Variants in COCH observed in about 807,000 individuals in gnomAD.
COCH encodes the protein coagulation factor C homolog, cochlin (Limulus polyphemus).
Under a neutral mutation model 54.8 loss-of-function variants are expected in COCH, and 40 were observed. The observed-to-expected ratio is 0.73, with a 90% CI of 0.57 to 0.95. The LOEUF is 0.95. Ranked by LOEUF, COCH falls within the 40% of genes least tolerant of loss-of-function variation. The probability of loss-of-function intolerance (pLI) is 0.00; values close to 1 mark genes in which losing one functional copy is unlikely to be tolerated. For missense variants in COCH, 605 were observed against 675.0 expected (o/e 0.90, Z 1.15); for synonymous variants, 256 against 237.9 (o/e 1.08, Z -0.70).
intron 3 of COCH, chr14:30,875,455 C>T (rs1477714607): frequency 3.4e-6 from 2 of 583,028 alleles, no homozygotes; most frequent in Admixed American, 6.1e-5. Flanking sequence ...CCGAGGAGCG[C>T]ACCAGTCCTG....
At chr14:30,882,119 G>GGTTTTTT (rs1480235271) in intron 8 of COCH, among the ~76,000 whole-genome samples, 12 of 84,902 alleles carry the variant, frequency 1.4e-4, no homozygotes, top group African/African-American at 7.2e-4. Context: ...ACTATAAAAT[G>GGTTTTTT]GTTTTTTTTT....
At chr14:30,885,274 C>T (rs1012733769) in intron 9 of COCH, 120 bp from the exon 10 acceptor site, 13 of 984,690 alleles carry the variant, frequency 1.3e-5, no homozygotes, top group East Asian at 2.6e-5. Context: ...TTGTGTGCCC[C>T]GCCCCACTGC....
In COCH at chr14:30,885,855, A is replaced by G; in HGVS notation, c.1020A>G (p.Thr340=). 1 of 1,614,144 alleles carries G rather than the reference A, an allele frequency of 6.2e-7. No homozygotes were observed. The highest frequency in any genetic ancestry group is 8.5e-7 in the Non-Finnish European group (1 of 1,179,988). ...SYHMPNWFGT[T]KYVKPLVQKL... is the part of the protein sequence containing the mutation. ...ACATGCCCAACTGGTTTGGCACCAC[A>G]AAATACGTAAAGCCTCTGGTACAGA... Residue 340 remains threonine, a synonymous_variant, in exon 11 of 12, where the codon ACA becomes ACG. Transcript: ENST00000396618.
chr14:30,877,765 G>A lies in COCH; in HGVS notation c.239+37G>A, dbSNP rs199980125. 1.5e-4 allele frequency: 239 copies of A among 1,613,536 alleles called. 1 individual carries two copies. The South Asian group carries it at 1.5e-3, about 10-fold the overall frequency. On this transcript the variant is annotated intron_variant, in intron 4 of 11. Coordinates refer to ENST00000396618, the MANE Select transcript of COCH (RefSeq NM_004086.3). This position sits in a 1 kb window ranked among gnomAD's most constrained non-coding sequence, Gnocchi z 8.6. ...CACACCAGGGTGGGAGAGAAATGCA[G>A]ACGTGATTATTTCCTTTCCTGCTTT...
intron 8 of COCH, among the ~76,000 whole-genome samples, chr14:30,882,967 G>A (rs998093436): frequency 1.3e-5 from 2 of 152,302 alleles, no homozygotes; most frequent in African/African-American, 4.8e-5. Flanking sequence ...GTGTAAGGTT[G>A]TATAAACAGT....
Position 30,885,598 on chromosome 14 carries a change from A to G in COCH, c.938A>G (p.Gln313Arg). 1.9e-6 allele frequency: 3 copies of G among 1,603,366 alleles called. 1 individual carries two copies. The South Asian group carries it at 3.3e-5, about 18-fold the overall frequency. The change falls in exon 10 of 12, where the codon CAG becomes CGG. Residue 313 changes from glutamine to arginine, a missense_variant. Coordinates refer to ENST00000396618, the MANE Select transcript of COCH (RefSeq NM_004086.3). Reference protein sequence around the residue: ...KPIPEELGMVQDVTFVDKAVC... With the variant: ...KPIPEELGMVRDVTFVDKAVC... ...ATCCCTGAAGAACTGGGGATGGTTC[A>G]GGATGTCACATTTGTTGACAAGGTA...
chr14:30,881,829 T>C (rs935340085), intron 8 of COCH, among the ~76,000 whole-genome samples: 14 of 149,814 alleles, frequency 9.3e-5, no homozygotes, highest in African/African-American at 2.9e-4. Flanking sequence ...CCGGGCGTGG[T>C]GGCAGGCGCC....
downstream of COCH, chr14:30,895,064 AAAAAAAAAAAAAAAAGAAG>A (rs2138921231): frequency 4.9e-6 from 1 of 204,710 alleles, no homozygotes; most frequent in African/African-American, 2.5e-5. Flanking sequence ...AAAAAAAAAA[AAAAAAAAAAAAAAAAGAAG>A]AAGAAGAAGA....
chr14:30,881,976 TAAAA>T (rs972397386), intron 8 of COCH, among the ~76,000 whole-genome samples: 3 of 129,698 alleles, frequency 2.3e-5, no homozygotes, highest in African/African-American at 1.1e-4. Context: ...AAAATAAAAA[TAAAA>T]ATAAATAAAT....
Position 30,886,291 on chromosome 14 carries a change from G to T in COCH, c.1456G>T (p.Ala486Ser). The T allele has an allele frequency of 8.1e-6, 13 of 1,614,154 alleles. No homozygotes were observed. Among genetic ancestry groups the T allele is most frequent in the Non-Finnish European group, 1.1e-5 (13 of 1,180,016 alleles). The change falls in exon 11 of 12, where the codon GCA (alanine) becomes TCA (serine). Residue 486 changes from alanine (A) to serine (S), a missense_variant. Transcript: ENST00000396618. ...GQSYDDVQGP[A>S]AAAHDAGITI... ...GTCCTATGATGATGTCCAAGGCCCT[G>T]CAGCTGCTGCACATGATGCAGGTAA...
At chr14:30,893,949 T>C (rs993391435), downstream of COCH, 1 of 152,642 alleles carries the variant, frequency 6.6e-6, no homozygotes, top group Non-Finnish European at 1.5e-5. Flanking sequence ...AGCTGTATGT[T>C]TGCTATGTGG....
At position 30,880,744 on chromosome 14, in the gene COCH, T is replaced by C. The variant is rs1201442149; in HGVS notation, c.629+10T>C. On this transcript the variant is annotated intron_variant, in intron 8 of 11. Coordinates refer to ENST00000396618, the MANE Select transcript of COCH (RefSeq NM_004086.3). ...GCCTTGTTCAAGCCAGGTACCAACC[T>C]TGTTAAAATGGGAGATTTAAAAAAA... 2.5e-6 allele frequency: 4 copies of C among 1,606,150 alleles called. No homozygotes were observed. In the South Asian group the frequency reaches 4.4e-5, roughly 18 times the overall value.
chr14:30,877,783 C>T lies in COCH; in HGVS notation c.239+55C>T, dbSNP rs1229923021. On this transcript the variant is annotated intron_variant, in intron 4 of 11. Transcript: ENST00000396618. The surrounding 1 kb of genome is among the most constrained non-coding windows in gnomAD (Gnocchi z 8.6). ...AAATGCAGACGTGATTATTTCCTTT[C>T]CTGCTTTACCCATCTGGATCCCTTT... The T allele has an allele frequency of 1.9e-6, 3 of 1,610,480 alleles. No individual in the cohort carries two copies. In the African/African-American group the frequency reaches 4.0e-5, roughly 22 times the overall value.
Position 30,875,102 on chromosome 14 carries a change from C to T in COCH, c.81C>T (p.Ala27=). Residue 27 remains alanine (A), a splice_region_variant and synonymous_variant, in exon 3 of 12, where the codon GCC becomes GCT. Coordinates refer to ENST00000396618, the MANE Select transcript of COCH (RefSeq NM_004086.3). ...CGGGGCCCGCGGGCAGCGAGGGAGC[C>T]GGTGAGTGGGGGAGCTGGGGTGCGT... ...LLPGPAGSEG[A]APIAITCFTR... 2 of 1,567,944 alleles carry T rather than the reference C, an allele frequency of 1.3e-6. No homozygotes were observed. Among genetic ancestry groups the T allele is most frequent in the South Asian group, 1.2e-5 (1 of 86,452 alleles).
chr14:30,891,219 AAGG>A (rs1391008999), downstream of COCH, among the ~76,000 whole-genome samples: 1 of 152,184 alleles, frequency 6.6e-6, no homozygotes, highest in Admixed American at 6.5e-5. Context: ...GTTCCTATGA[AAGG>A]AGAACATCAG....
At chr14:30,893,412 AAAG>A (rs1295294206), downstream of COCH, among the ~76,000 whole-genome samples, 1 of 152,068 alleles carries the variant, frequency 6.6e-6, no homozygotes, top group Non-Finnish European at 1.5e-5. Context: ...TCGGCCTCCC[AAAG>A]TGCTGGGATT....
At chr14:30,883,984 G>T (rs550154044) in intron 8 of COCH, among the ~76,000 whole-genome samples, 367 of 152,270 alleles carry the variant, frequency 2.4e-3, no homozygotes, top group African/African-American at 8.3e-3. Context: ...AGAGAGCTCT[G>T]AGTTAATAGA....
chr14:30,879,587 T>A, intron 6 of COCH, 102 bp downstream of exon 6: 1 of 1,212,902 alleles, frequency 8.2e-7, no homozygotes, highest in Non-Finnish European at 1.2e-6. Flanking sequence ...AATTTGATAT[T>A]AAAGAGAAAC....
chr14:30,877,043 A>T lies in COCH; in HGVS notation c.83-529A>T, dbSNP rs1366646100. ...GACTGGTCTTGACCTCCTGGACTCA[A>T]GCAAATCCTCTTGTCTTGGCCTGCT... On this transcript the variant is annotated intron_variant, in intron 3 of 11. Coordinates refer to ENST00000396618, the MANE Select transcript of COCH (RefSeq NM_004086.3). This position sits in a 1 kb window ranked among gnomAD's most constrained non-coding sequence, Gnocchi z 8.6. Among the ~76,000 whole-genome samples, 2 of 152,124 alleles carry T rather than the reference A, an allele frequency of 1.3e-5. No homozygotes were observed. Among genetic ancestry groups the T allele is most frequent in the Non-Finnish European group, 2.9e-5 (2 of 68,012 alleles).
Sources: allele counts gnomAD v4.1 joint callset (sites outside exome capture counted in the v4.1 genomes callset), GRCh38; gene constraint gnomAD v4.1.1; non-coding constraint Gnocchi (gnomAD v3.1); transcripts MANE v1.5; gene names NCBI Gene and HGNC (gene_info 2026-07-23, HGNC 2026-07-21).